The following JARID2 variants were observed in gnomAD, a reference collection of about 807,000 sequenced individuals.
JARID2 encodes jumonji and AT-rich interaction domain containing 2.
Under a neutral mutation model 125.6 loss-of-function variants are expected in JARID2, and 21 were observed. That is an observed-to-expected ratio of 0.17 (90% CI 0.12 to 0.24). The LOEUF is 0.24. Ranked by LOEUF, JARID2 falls within the 10% of genes least tolerant of loss-of-function variation. The pLI is 1.00. For missense variants in JARID2, 1,303 were observed against 1,639.6 expected (o/e 0.79, Z 3.55); for synonymous variants, 736 against 661.6 (o/e 1.11, Z -1.73).
At chr6:15,437,913 G>A (rs1370046193) in intron 3 of JARID2, among the ~76,000 whole-genome samples, 1 of 152,164 alleles carries the variant, frequency 6.6e-6, no homozygotes, top group Non-Finnish European at 1.5e-5. Context: ...CACTTAAGAA[G>A]AACAAGTGAA....
chr6:15,474,854 A>G (rs945782912), intron 5 of JARID2, among the ~76,000 whole-genome samples: 1 of 152,200 alleles, frequency 6.6e-6, no homozygotes, highest in Non-Finnish European at 1.5e-5. Context: ...CCCCATTTAC[A>G]TTGCTATCTA....
At chr6:15,388,751 A>G (rs1764886827) in intron 2 of JARID2, among the ~76,000 whole-genome samples, 1 of 152,026 alleles carries the variant, frequency 6.6e-6, no homozygotes. Flanking sequence ...CTTGTGTTTC[A>G]TGGTAACTTA....
chr6:15,513,486 G>A (rs940108253), intron 16 of JARID2, 64 bp downstream of exon 16: 2 of 1,469,198 alleles, frequency 1.4e-6, no homozygotes, highest in Non-Finnish European at 1.8e-6. Flanking sequence ...CTCCGGGGTT[G>A]CCCCCAGAAG....
chr6:15,469,284 G>GTCTCTGTC (rs1293841114), intron 5 of JARID2, among the ~76,000 whole-genome samples: 12 of 74,906 alleles, frequency 1.6e-4, no homozygotes, highest in African/African-American at 6.5e-4. Flanking sequence ...CTGTCTCTCT[G>GTCTCTGTC]TCTCTGTCTC....
Position 15,454,269 on chromosome 6 carries a change from T to C in JARID2, c.493+2094T>C, listed in dbSNP as rs1768051579. Among the ~76,000 whole-genome samples the C allele has an allele frequency of 2.0e-5, 3 of 152,326 alleles. No homozygotes were observed. In the South Asian group the frequency reaches 6.2e-4, roughly 32 times the overall value. On this transcript the variant is annotated intron_variant, in intron 4 of 17. Coordinates refer to ENST00000341776, the MANE Select transcript of JARID2 (RefSeq NM_004973.4). ...TCCTTGCCCAATTGCCCTGCCTTAC[T>C]AATTGGCTTTGGGACTGAATTGTTG...
intron 2 of JARID2, among the ~76,000 whole-genome samples, chr6:15,396,844 C>T (rs1011717360): frequency 6.6e-6 from 1 of 152,204 alleles, no homozygotes; most frequent in Non-Finnish European, 1.5e-5. Flanking sequence ...GGAACAACTA[C>T]TTTAATTGTA....
chr6:15,459,584 G>A (rs1042826750), intron 4 of JARID2, among the ~76,000 whole-genome samples: 2 of 152,226 alleles, frequency 1.3e-5, no homozygotes, highest in Non-Finnish European at 2.9e-5. Flanking sequence ...AATTGAGGCA[G>A]AGGTAGTGGA....
intron 1 of JARID2, among the ~76,000 whole-genome samples, chr6:15,370,667 C>T (rs1442610076): frequency 6.6e-6 from 1 of 152,026 alleles, no homozygotes; most frequent in Non-Finnish European, 1.5e-5. Flanking sequence ...TTAGAGCGTT[C>T]AGTACTGGTT....
intron 5 of JARID2, among the ~76,000 whole-genome samples, chr6:15,481,066 T>C (rs947260545): frequency 6.6e-6 from 1 of 152,262 alleles, no homozygotes; most frequent in Non-Finnish European, 1.5e-5. Flanking sequence ...CTAAAGTAAC[T>C]TCTTTTGCCC....
intron 1 of JARID2, among the ~76,000 whole-genome samples, chr6:15,336,673 A>G (rs1329911580): frequency 7.0e-6 from 1 of 142,684 alleles, no homozygotes; most frequent in Admixed American, 7.0e-5. Flanking sequence ...TTTTTAATAG[A>G]TTTGGCAGTA....
chr6:15,430,622 C>T (rs551755450), intron 3 of JARID2, among the ~76,000 whole-genome samples: 45 of 152,178 alleles, frequency 3.0e-4, no homozygotes, highest in Admixed American at 2.0e-3. Context: ...AGCATTGGGT[C>T]GGGTGTAGTG....
intron 5 of JARID2, among the ~76,000 whole-genome samples, chr6:15,471,839 G>C (rs1769091317): frequency 6.6e-6 from 1 of 152,090 alleles, no homozygotes; most frequent in South Asian, 2.1e-4. Flanking sequence ...ACCTAAAGGA[G>C]GGCATAATGA....
rs376651387 is a variant in JARID2, at chr6:15,484,122, AG to A, written c.671-3182del. Among the ~76,000 whole-genome samples the A allele has an allele frequency of 4.8e-4, 73 of 152,330 alleles. No individual in the cohort carries two copies. The Middle Eastern group carries it at 0.02, about 43-fold the overall frequency. On this transcript the variant is annotated intron_variant, in intron 5 of 17. Transcript: ENST00000341776. ...CCTGCAAGGGTTTCTAGGTCCTTGA[AG>A]GGTCTGTAAATCTCCTTTGAGATCC...
At chr6:15,462,798 G>A (rs532408858) in intron 4 of JARID2, among the ~76,000 whole-genome samples, 1 of 152,172 alleles carries the variant, frequency 6.6e-6, no homozygotes, top group Non-Finnish European at 1.5e-5. Context: ...GAAGATAATG[G>A]GCAGGAGGGC....
At position 15,496,789 on chromosome 6, in the gene JARID2, T is replaced by A; in HGVS notation, c.1564T>A (p.Cys522Ser). The A allele has an allele frequency of 6.2e-7, 1 of 1,611,380 alleles. No homozygotes were observed. Among genetic ancestry groups the A allele is most frequent in the Non-Finnish European group, 8.5e-7 (1 of 1,178,722 alleles). ...ACATGGCAAGGCGGACAGCGCCTCCTGTGAAAATCGTTCTACCTCGCAACC... is the reference window on the plus strand; with the variant it reads ...ACATGGCAAGGCGGACAGCGCCTCCAGTGAAAATCGTTCTACCTCGCAACC... ...QAHGKADSASCENRSTSQPES... is the reference protein window; with the variant it reads ...QAHGKADSASSENRSTSQPES... Residue 522 changes from cysteine (C) to serine (S), a missense_variant, in exon 7 of 18, where the codon TGT becomes AGT. Coordinates refer to ENST00000341776, the MANE Select transcript of JARID2 (RefSeq NM_004973.4).
chr6:15,510,607 G>C (rs1024405748), intron 12 of JARID2, among the ~76,000 whole-genome samples: 1 of 152,212 alleles, frequency 6.6e-6, no homozygotes, highest in Non-Finnish European at 1.5e-5. Flanking sequence ...ATGAGCCCTT[G>C]ATCCTCCTGT....
intron 3 of JARID2, among the ~76,000 whole-genome samples, chr6:15,436,381 G>T (rs762823586): frequency 6.6e-6 from 1 of 152,190 alleles, no homozygotes; most frequent in African/African-American, 2.4e-5. Flanking sequence ...GCTCTTCTGC[G>T]GCCGTGCTCT....
At chr6:15,307,102 C>A (rs1176532862) in intron 1 of JARID2, among the ~76,000 whole-genome samples, 3 of 151,690 alleles carry the variant, frequency 2.0e-5, no homozygotes, top group African/African-American at 4.8e-5. Flanking sequence ...ATGAGCTGGG[C>A]GTGGTGGCAG....
intron 8 of JARID2, 31 bp from the exon 9 acceptor site, chr6:15,504,469 T>C (rs771248602): frequency 1.3e-6 from 2 of 1,547,770 alleles, no homozygotes; most frequent in Non-Finnish European, 1.8e-6. Flanking sequence ...GCTTTGCTTC[T>C]GAAGCTTTAC....
Sources: allele counts gnomAD v4.1 joint callset (sites outside exome capture counted in the v4.1 genomes callset), GRCh38; gene constraint gnomAD v4.1.1; transcripts MANE v1.5; gene names NCBI Gene and HGNC (gene_info 2026-07-23, HGNC 2026-07-21).